The following TAF1A variants were observed in gnomAD, a reference collection of about 807,000 sequenced individuals.
The protein encoded by TAF1A is TATA-box binding protein associated factor, RNA polymerase I subunit A.
In TAF1A, 42 loss-of-function variants were observed where a neutral mutation model predicts 61.6. That is an observed-to-expected ratio of 0.68 (90% confidence interval 0.53 to 0.88). The LOEUF is 0.88. Ranked by LOEUF, TAF1A falls within the 40% of genes least tolerant of loss-of-function variation. TAF1A has a pLI of 0.00. For missense variants in TAF1A, 424 were observed against 518.7 expected (o/e 0.82, Z 1.77); for synonymous variants, 179 against 177.7 (o/e 1.01, Z -0.06).
chr1:222,578,805 A>G (rs1660673296), intron 4 of TAF1A, among the ~76,000 whole-genome samples: 1 of 152,190 alleles, frequency 6.6e-6, no homozygotes, highest in African/African-American at 2.4e-5. Context: ...CATGTCTAGC[A>G]TATTGCCTGG....
At chr1:222,565,046 T>C (rs749459730) in intron 7 of TAF1A, among the ~76,000 whole-genome samples, 50 of 152,222 alleles carry the variant, frequency 3.3e-4, no homozygotes, top group Non-Finnish European at 4.1e-4. Flanking sequence ...CAGTCAGTTT[T>C]CACAAAGTTA....
At chr1:222,577,722 C>CA in intron 4 of TAF1A, 79 bp from the exon 5 acceptor site, 1 of 1,287,060 alleles carries the variant, frequency 7.8e-7, no homozygotes, top group South Asian at 1.2e-5. Context: ...ATATATAATA[C>CA]ATGCTGGGCA....
chr1:222,555,938 T>C (rs1659720105), downstream of TAF1A, among the ~76,000 whole-genome samples: 1 of 152,158 alleles, frequency 6.6e-6, no homozygotes, highest in Non-Finnish European at 1.5e-5. Flanking sequence ...GTAGTAACCA[T>C]ATAAGCAAGC....
intron 1 of TAF1A, among the ~76,000 whole-genome samples, 195 bp downstream of exon 1, chr1:222,589,532 A>C (rs1202697526): frequency 1.3e-5 from 2 of 152,144 alleles, no homozygotes; most frequent in African/African-American, 4.8e-5. Flanking sequence ...CTCCCTTTCC[A>C]AATCCTCAAA....
intron 10 of TAF1A, 96 bp from the exon 11 acceptor site, chr1:222,558,868 A>G (rs1659804462): frequency 4.0e-6 from 2 of 501,818 alleles, no homozygotes; most frequent in Admixed American, 7.4e-5. Flanking sequence ...TTAGCACACT[A>G]ATGATTATGA....
intron 4 of TAF1A, among the ~76,000 whole-genome samples, chr1:222,579,258 A>G (rs1385117365): frequency 6.6e-6 from 1 of 152,244 alleles, no homozygotes; most frequent in Non-Finnish European, 1.5e-5. Flanking sequence ...GTGCTCTTTG[A>G]GACAAAAACA....
At chr1:222,580,447 T>C (rs1261841627) in intron 3 of TAF1A, among the ~76,000 whole-genome samples, 2 of 152,220 alleles carry the variant, frequency 1.3e-5, no homozygotes, top group African/African-American at 4.8e-5. Context: ...AGCTCTTTTT[T>C]CATGAGAGCA....
intron 2 of TAF1A, among the ~76,000 whole-genome samples, chr1:222,584,605 C>T (rs1660938563): frequency 6.6e-6 from 1 of 152,218 alleles, no homozygotes; most frequent in African/African-American, 2.4e-5. Flanking sequence ...CAAACAGGCC[C>T]CCAAAAGCAC....
chr1:222,561,516 T>C lies in TAF1A; in HGVS notation c.1088A>G (p.Asn363Ser). Residue 363 changes from asparagine to serine, a missense_variant and splice_region_variant, in exon 10 of 11, where the codon AAC becomes AGC. Asn to Ser is a conservative substitution (Grantham distance 46). Coordinates refer to ENST00000352967, the MANE Select transcript of TAF1A (RefSeq NM_005681.4). ...AKYLKNILMGNHLAWVQEEWN... is the reference protein window; with the variant it reads ...AKYLKNILMGSHLAWVQEEWN... ...CTCTTCTTGAACCCACGCAAGGTGG[T>C]TTCTGGAAAAGAAAAATGTCAAAAG... 1.3e-6 allele frequency: 2 copies of C among 1,586,412 alleles called. No individual in the cohort carries two copies. Among genetic ancestry groups the C allele is most frequent in the Non-Finnish European group, 1.7e-6 (2 of 1,169,190 alleles).
At chr1:222,577,068 C>T (rs1351879154) in intron 5 of TAF1A, among the ~76,000 whole-genome samples, 1 of 152,030 alleles carries the variant, frequency 6.6e-6, no homozygotes, top group East Asian at 1.9e-4. Context: ...GCTTTTTAAG[C>T]TCCCCACCCC....
At chr1:222,586,065 CTAGTGTTCTCAGACTTTTGA>C (rs1661003255) in intron 2 of TAF1A, among the ~76,000 whole-genome samples, 1 of 152,172 alleles carries the variant, frequency 6.6e-6, no homozygotes, top group Non-Finnish European at 1.5e-5. Context: ...CTGTGCTAGA[CTAGTGTTCTCAGACTTTTGA>C]ATGTACATAC....
Position 222,577,591 on chromosome 1 carries a change from GC to G in TAF1A, c.457del (p.Ala153LeufsTer5). On this transcript the variant is annotated frameshift_variant, in exon 5 of 11. Transcript: ENST00000352967. LOFTEE classifies it high-confidence loss of function. ...CTCTGCCTCACTCAGATTTCTCTTA[GC>G]ATCTTTAAGCATTCCATGATGCAGA... ...YLLHHGMLKD[A>X]KRNLSEAETW... is the part of the protein sequence containing the mutation. 1 of 1,613,878 alleles carries G rather than the reference GC, an allele frequency of 6.2e-7. No individual in the cohort carries two copies. The highest frequency in any genetic ancestry group is 1.1e-5 in the South Asian group (1 of 91,070).
intron 3 of TAF1A, among the ~76,000 whole-genome samples, chr1:222,581,269 G>A (rs751601503): frequency 6.6e-6 from 1 of 152,194 alleles, no homozygotes; most frequent in Non-Finnish European, 1.5e-5. Context: ...TGGACAACAA[G>A]AGGCTGTAAC....
chr1:222,583,714 T>C (rs1660892725), intron 3 of TAF1A, among the ~76,000 whole-genome samples: 1 of 151,874 alleles, frequency 6.6e-6, no homozygotes, highest in Non-Finnish European at 1.5e-5. Context: ...GGTACATGCC[T>C]GTAGTCCCAG....
intron 3 of TAF1A, 50 bp downstream of exon 3, chr1:222,584,077 TA>T (rs777899525): frequency 3.2e-6 from 5 of 1,583,934 alleles, no homozygotes; most frequent in Non-Finnish European, 4.3e-6. Context: ...GCTGTAGGCA[TA>T]AACTTCTGGG....
Position 222,558,535 on chromosome 1 carries a change from A to C in TAF1A, c.*125T>G. Reference sequence around the variant, plus strand: ...GCTATAAATAATACAAAAATATAAAAATATATAAAAATAAGTTTTTTGTAG... The same window carrying C: ...GCTATAAATAATACAAAAATATAAACATATATAAAAATAAGTTTTTTGTAG... On this transcript the variant is annotated 3_prime_UTR_variant, in exon 11 of 11. Transcript: ENST00000352967. 1 of 364,894 alleles carries C rather than the reference A, an allele frequency of 2.7e-6. No individual in the cohort carries two copies. Among genetic ancestry groups the C allele is most frequent in the Middle Eastern group, 7.7e-4 (1 of 1,296 alleles). 22.6% of individuals were successfully genotyped at this position (364,894 alleles called of 1,614,324 possible).
intron 10 of TAF1A, 119 bp downstream of exon 10, chr1:222,561,245 G>T: frequency 2.0e-6 from 2 of 999,216 alleles, no homozygotes; most frequent in Non-Finnish European, 2.9e-6. Flanking sequence ...GAGCAGTTAT[G>T]TCTTAAGCAC....
intron 9 of TAF1A, among the ~76,000 whole-genome samples, chr1:222,561,770 C>T (rs1314359959): frequency 9.2e-5 from 14 of 152,152 alleles, no homozygotes; most frequent in Admixed American, 9.2e-4. Context: ...ACAGAACAGA[C>T]TCGAAGCCAG....
At chr1:222,568,543 A>G (rs1660213541) in intron 7 of TAF1A, among the ~76,000 whole-genome samples, 2 of 152,234 alleles carry the variant, frequency 1.3e-5, no homozygotes, top group African/African-American at 4.8e-5. Context: ...TTAGGGAAAT[A>G]CAATTTAATG....
Sources: allele counts gnomAD v4.1 joint callset (sites outside exome capture counted in the v4.1 genomes callset), GRCh38; gene constraint gnomAD v4.1.1; transcripts MANE v1.5; gene names NCBI Gene and HGNC (gene_info 2026-07-23, HGNC 2026-07-21).